Variants in TBC1D30 observed in about 807,000 individuals in gnomAD.
TBC1D30 encodes TBC1 domain family, member 30.
Under a neutral mutation model 63.2 loss-of-function variants are expected in TBC1D30, and 31 were observed. That is an observed-to-expected ratio of 0.49 (90% CI 0.37 to 0.66). TBC1D30 has a LOEUF of 0.66. TBC1D30 is among the 30% of genes least tolerant of loss of function. The pLI is 0.00. For missense variants in TBC1D30, 810 were observed against 953.6 expected, an observed-to-expected ratio of 0.85 and a Z score of 1.98; for synonymous variants, 307 against 361.5, an observed-to-expected ratio of 0.85 and a Z score of 1.71.
chr12:64,824,592 G>GCGCTCGCT (rs58764736), upstream of TBC1D30: 1 of 323,184 alleles, frequency 3.1e-6, no homozygotes, highest in Non-Finnish European at 5.6e-6. Flanking sequence ...CGTCTCCCAC[G>GCGCTCGCT]CGCTCGCTCG....
At position 64,875,724 on chromosome 12, in the gene TBC1D30, T is replaced by G; in HGVS notation, c.2222T>G (p.Phe741Cys). The change falls in exon 12 of 12, where the codon TTT becomes TGT. Residue 741 changes from phenylalanine to cysteine, a missense_variant. Transcript: ENST00000539867. ...ACAGAAAGAACCCCAACTGTGCACT[T>G]TCCTCAAATGAGTAGGAGCTTCAGC... is the stretch of plus-strand genomic sequence containing the variant. ...GPTERTPTVH[F>C]PQMSRSFSKP... 2 of 1,536,362 alleles carry G rather than the reference T, an allele frequency of 1.3e-6. No homozygotes were observed. Among genetic ancestry groups the G allele is most frequent in the Non-Finnish European group, 1.7e-6 (2 of 1,146,962 alleles).
chr12:64,769,395 T>G (rs77041694), intron 1 of TBC1D30, among the ~76,000 whole-genome samples: 7 of 151,678 alleles, frequency 4.6e-5, no homozygotes, highest in Non-Finnish European at 7.4e-5. Flanking sequence ...TTTTTTTTTT[T>G]GAGACGGAGT....
At chr12:64,812,603 A>G (rs564133951) in intron 2 of TBC1D30, among the ~76,000 whole-genome samples, 11 of 152,362 alleles carry the variant, frequency 7.2e-5, no homozygotes, top group African/African-American at 2.2e-4. Context: ...GACCTTTTTC[A>G]TAAATGATGG....
At chr12:64,826,755 G>A (rs1225484567) in intron 1 of TBC1D30, among the ~76,000 whole-genome samples, 1 of 152,084 alleles carries the variant, frequency 6.6e-6, no homozygotes, top group Non-Finnish European at 1.5e-5. Flanking sequence ...GGCATTGATT[G>A]GATGCCTGGG....
rs1879338177 is a variant in TBC1D30, at chr12:64,879,759, A to G, written c.*3971A>G. 1 of 152,228 alleles carries G rather than the reference A, an allele frequency of 6.6e-6. No individual in the cohort carries two copies. Among genetic ancestry groups the G allele is most frequent in the Admixed American group, 6.5e-5 (1 of 15,276 alleles). 9.4% of individuals were successfully genotyped at this position (152,228 alleles called of 1,614,324 possible). A position where few individuals can be genotyped will look rare whatever the true frequency, so the allele number is the denominator to read the frequency against. The stretch of plus-strand genomic sequence containing the variant: ...ATTCCCTTTTATTCTTTGCTTGCTA[A>G]GAGTTTTCTTCATCAACAGGTATTG... On this transcript the variant is annotated 3_prime_UTR_variant, in exon 12 of 12. Coordinates refer to ENST00000539867, the MANE Select transcript of TBC1D30 (RefSeq NM_015279.2).
intron 2 of TBC1D30, chr12:64,787,341 A>G: frequency 1.0e-6 from 1 of 984,288 alleles, no homozygotes; most frequent in Non-Finnish European, 1.2e-6. Context: ...TTTGTTTTGC[A>G]TTCTTTATTA....
chr12:64,821,089 A>T (rs769006509), upstream of TBC1D30, among the ~76,000 whole-genome samples: 41 of 152,366 alleles, frequency 2.7e-4, no homozygotes, highest in Admixed American at 9.8e-4. Flanking sequence ...AGAAGAATCT[A>T]AAGAGAGGTC....
exon 1 of TBC1D30, chr12:64,780,716 C>G: frequency 4.1e-6 from 4 of 978,846 alleles, no homozygotes; most frequent in Non-Finnish European, 4.9e-6. Context: ...GAGGGCACCA[C>G]CGGCGAGGAC....
Position 64,877,885 on chromosome 12 carries a change from C to T in TBC1D30, c.*2097C>T, listed in dbSNP as rs966838717. 3.3e-5 allele frequency: 5 copies of T among 153,116 alleles called. No individual in the cohort carries two copies. Among genetic ancestry groups the T allele is most frequent in the Admixed American group, 1.3e-4 (2 of 15,478 alleles). 9.5% of individuals were successfully genotyped at this position (153,116 alleles called of 1,614,324 possible). A position where few individuals can be genotyped will look rare whatever the true frequency, so the allele number is the denominator to read the frequency against. On this transcript the variant is annotated 3_prime_UTR_variant, in exon 12 of 12. Coordinates refer to ENST00000539867, the MANE Select transcript of TBC1D30 (RefSeq NM_015279.2). ...TGTTCTTTCCTCTCTTGAATCAGCT[C>T]ACTAGCTCCCTGATGGTCTGGGTTC...
chr12:64,829,349 C>T (rs1050969309), intron 3 of TBC1D30, among the ~76,000 whole-genome samples: 6 of 152,184 alleles, frequency 3.9e-5, no homozygotes, highest in African/African-American at 7.2e-5. Flanking sequence ...AAATCCTAGA[C>T]GTATTTTGAA....
intron 1 of TBC1D30, among the ~76,000 whole-genome samples, chr12:64,760,359 T>G (rs1259976826): frequency 1.3e-5 from 2 of 150,776 alleles, no homozygotes; most frequent in African/African-American, 4.9e-5. Flanking sequence ...AGGTCAGGAG[T>G]TTTAGACCAG....
At chr12:64,852,461 A>G (rs1185172165) in intron 8 of TBC1D30, among the ~76,000 whole-genome samples, 3 of 151,958 alleles carry the variant, frequency 2.0e-5, no homozygotes, top group African/African-American at 7.3e-5. Flanking sequence ...GTTTATTATT[A>G]CCCACCTTCT....
At chr12:64,817,458 G>A (rs1374640447) in intron 2 of TBC1D30, among the ~76,000 whole-genome samples, 1 of 152,196 alleles carries the variant, frequency 6.6e-6, no homozygotes, top group Non-Finnish European at 1.5e-5. Flanking sequence ...GTTGCCTCCT[G>A]GAGGGTCTCA....
At position 64,809,677 on chromosome 12, in the gene TBC1D30, G is replaced by A. The variant is rs1873095257; in HGVS notation, c.644-18158G>A. ...TCTCGAACTATCCGCCTTCTGGCCT[G>A]TTCCAGTCATTCTGGCTTTCATCTT... On this transcript the variant is annotated intron_variant, in intron 2 of 12. Coordinates refer to the TBC1D30 transcript ENST00000542120. Among the ~76,000 whole-genome samples the A allele has an allele frequency of 2.6e-5, 4 of 152,280 alleles. No individual in the cohort carries two copies. In the South Asian group the frequency reaches 8.3e-4, roughly 32 times the overall value.
intron 6 of TBC1D30, among the ~76,000 whole-genome samples, chr12:64,837,595 G>A (rs1423040020): frequency 1.3e-5 from 2 of 152,116 alleles, no homozygotes; most frequent in African/African-American, 4.8e-5. Flanking sequence ...AAACAATGGG[G>A]AGTGGCTGTA....
chr12:64,843,497 AC>A lies in TBC1D30; in HGVS notation c.1038+13del. ...ATGAACTCATGCAGGTGAGTCGGCA[AC>A]ATGGAGCAGCTTGGCTCGGGGAACC... On this transcript the variant is annotated intron_variant, in intron 8 of 11. Coordinates refer to ENST00000539867, the MANE Select transcript of TBC1D30 (RefSeq NM_015279.2). The A allele has an allele frequency of 6.5e-7, 1 of 1,534,776 alleles. No individual in the cohort carries two copies. Among genetic ancestry groups the A allele is most frequent in the South Asian group, 1.2e-5 (1 of 84,014 alleles).
chr12:64,781,048 C>G, exon 1 of TBC1D30: 2 of 1,020,314 alleles, frequency 2.0e-6, no homozygotes, highest in Non-Finnish European at 2.4e-6. Flanking sequence ...GCACGGCGTC[C>G]CTGGTGAGCG....
At chr12:64,862,224 G>A (rs1461459439) in intron 8 of TBC1D30, among the ~76,000 whole-genome samples, 1 of 152,118 alleles carries the variant, frequency 6.6e-6, no homozygotes, top group Non-Finnish European at 1.5e-5. Context: ...AAAGATTTCC[G>A]ACACCCTGAG....
chr12:64,810,631 C>A (rs574891412), intron 2 of TBC1D30, among the ~76,000 whole-genome samples: 264 of 151,936 alleles, frequency 1.7e-3, no homozygotes, highest in African/African-American at 6.1e-3. Context: ...AAAAAAAAAA[C>A]CCCGAAGTAC....
Sources: allele counts gnomAD v4.1 joint callset (sites outside exome capture counted in the v4.1 genomes callset), GRCh38; gene constraint gnomAD v4.1.1; transcripts MANE v1.5; gene names NCBI Gene and HGNC (gene_info 2026-07-23, HGNC 2026-07-21).